SEPTIN11: variants seen among roughly 807,000 people sequenced by gnomAD.
The protein encoded by SEPTIN11 is septin 11, also known as septin-11.
Under a neutral mutation model 51.4 loss-of-function variants are expected in SEPTIN11, and 25 were observed. The ratio of observed to expected loss-of-function variants is 0.49; its 90% CI spans 0.35 to 0.68. The LOEUF (loss-of-function observed/expected upper bound fraction) is 0.68, where lower values mean the gene tolerates loss of function less well. SEPTIN11 is among the 30% of genes least tolerant of loss of function. The pLI, the probability that SEPTIN11 is intolerant of heterozygous loss-of-function variation, is 0.00. For missense variants in SEPTIN11, 381 were observed against 520.8 expected (o/e 0.73, Z 2.61); for synonymous variants, 174 against 184.1 (o/e 0.95, Z 0.44).
At chr4:77,018,814 A>T (rs1725490252) in intron 5 of SEPTIN11, among the ~76,000 whole-genome samples, 1 of 152,234 alleles carries the variant, frequency 6.6e-6, no homozygotes, top group Admixed American at 6.5e-5. Flanking sequence ...TTAAATTTAG[A>T]TGTAAACTAA....
chr4:77,005,553 C>T, intron 2 of SEPTIN11, 48 bp from the exon 3 acceptor site: 1 of 1,518,156 alleles, frequency 6.6e-7, no homozygotes, highest in Non-Finnish European at 9.0e-7. Context: ...GAACTGATGT[C>T]TGAGAGACAT....
chr4:76,951,243 A>G (rs1721329586), intron 1 of SEPTIN11, among the ~76,000 whole-genome samples: 1 of 151,872 alleles, frequency 6.6e-6, no homozygotes, highest in South Asian at 2.1e-4. Flanking sequence ...TTCTAATTCG[A>G]TTTGGTGGTT....
intron 1 of SEPTIN11, among the ~76,000 whole-genome samples, chr4:76,956,735 G>A (rs372079371): frequency 2.0e-5 from 3 of 152,144 alleles, no homozygotes; most frequent in South Asian, 4.1e-4. Flanking sequence ...AAAAGAATGA[G>A]GATAGAGAAT....
chr4:77,020,130 G>A (rs1725590698), intron 6 of SEPTIN11, among the ~76,000 whole-genome samples: 1 of 152,168 alleles, frequency 6.6e-6, no homozygotes, highest in African/African-American at 2.4e-5. Context: ...TTTGAATCTA[G>A]ACCCTGCTAC....
At chr4:76,973,537 A>G (rs1191185874) in intron 1 of SEPTIN11, among the ~76,000 whole-genome samples, 1 of 152,240 alleles carries the variant, frequency 6.6e-6, no homozygotes, top group Non-Finnish European at 1.5e-5. Flanking sequence ...ACAGCTCAGC[A>G]TGGATTTCCT....
rs116154097 is a variant in SEPTIN11 at position 77,000,009 on chromosome 4, A to G, written c.142+3470A>G. Among the ~76,000 whole-genome samples, 1,410 of 152,326 alleles carry G rather than the reference A, an allele frequency of 9.3e-3. 12 individuals carry two copies. Among genetic ancestry groups the G allele is most frequent in the Middle Eastern group, 0.027 (8 of 294 alleles). The stretch of plus-strand genomic sequence containing the variant: ...CCTTTTTTCATAATTTTAAATTTGT[A>G]TGTCTTTCTCATCCATTTTCCAAAA... On this transcript the variant is annotated intron_variant, in intron 2 of 9. Transcript: ENST00000264893.
intron 1 of SEPTIN11, among the ~76,000 whole-genome samples, chr4:76,962,709 A>G (rs1721871663): frequency 6.6e-6 from 1 of 152,200 alleles, no homozygotes; most frequent in Non-Finnish European, 1.5e-5. Context: ...AGTTTCTCTT[A>G]TGTTAGTCCA....
At chr4:76,951,190 G>T (rs1318830536) in intron 1 of SEPTIN11, among the ~76,000 whole-genome samples, 1 of 151,998 alleles carries the variant, frequency 6.6e-6, no homozygotes, top group Non-Finnish European at 1.5e-5. Flanking sequence ...CGCGCCTTTT[G>T]CACCCTACCC....
intron 2 of SEPTIN11, among the ~76,000 whole-genome samples, chr4:76,998,018 G>C (rs1723850500): frequency 6.6e-6 from 1 of 151,946 alleles, no homozygotes; most frequent in Non-Finnish European, 1.5e-5. Context: ...GGTGTGCAGT[G>C]GGGTGTGCTG....
intron 2 of SEPTIN11, among the ~76,000 whole-genome samples, chr4:77,000,853 G>A (rs1443558612): frequency 6.6e-6 from 1 of 152,112 alleles, no homozygotes; most frequent in Non-Finnish European, 1.5e-5. Flanking sequence ...CAAGAACAAC[G>A]CAACTTAGGT....
At chr4:77,025,129 C>T (rs1053455109) in intron 7 of SEPTIN11, among the ~76,000 whole-genome samples, 2 of 152,112 alleles carry the variant, frequency 1.3e-5, no homozygotes, top group African/African-American at 4.8e-5. Flanking sequence ...AGATAAAATC[C>T]TCAATTTCAA....
At chr4:77,019,337 C>A in intron 6 of SEPTIN11, 76 bp downstream of exon 6, 1 of 1,301,370 alleles carries the variant, frequency 7.7e-7, no homozygotes. Context: ...CATTTTCCGT[C>A]TTGTTTAGGG....
chr4:76,958,988 C>T, intron 1 of SEPTIN11: 1 of 809,026 alleles, frequency 1.2e-6, no homozygotes, highest in South Asian at 1.3e-5. Flanking sequence ...AACATCCTGA[C>T]AGTCATCCAC....
chr4:76,960,925 G>T (rs1307161063), intron 1 of SEPTIN11, among the ~76,000 whole-genome samples: 1 of 152,166 alleles, frequency 6.6e-6, no homozygotes, highest in Admixed American at 6.5e-5. Context: ...GTGTTTTGTC[G>T]TTCCAACCTC....
At chr4:76,989,167 A>G (rs1264670710) in intron 1 of SEPTIN11, among the ~76,000 whole-genome samples, 2 of 152,206 alleles carry the variant, frequency 1.3e-5, no homozygotes, top group African/African-American at 4.8e-5. Context: ...GGATTAAGTG[A>G]CTTGGATCAG....
chr4:76,956,966 G>GTGTGTGTGTT (rs1721583149), intron 1 of SEPTIN11, among the ~76,000 whole-genome samples: 1 of 131,942 alleles, frequency 7.6e-6, no homozygotes, highest in Admixed American at 7.5e-5. Context: ...AGAATGATGT[G>GTGTGTGTGTT]TGTGTGTGTG....
At chr4:76,996,560 C>T (rs1723732200) in intron 2 of SEPTIN11, 21 bp downstream of exon 2, 1 of 1,534,272 alleles carries the variant, frequency 6.5e-7, no homozygotes, top group African/African-American at 1.4e-5. Flanking sequence ...CATCACCCCA[C>T]AGCAAGAAAT....
intron 9 of SEPTIN11, chr4:77,031,752 G>A (rs1726653722): frequency 6.6e-6 from 1 of 152,160 alleles, no homozygotes; most frequent in Non-Finnish European, 1.5e-5. Flanking sequence ...GTTTTGACAG[G>A]AAGCACGATG....
rs149896562 is a variant in SEPTIN11, at chr4:77,006,262, A to G, written c.338+466A>G. Among the ~76,000 whole-genome samples the G allele has an allele frequency of 3.6e-3, 554 of 152,248 alleles. 3 individuals are homozygous for G. The highest frequency in any genetic ancestry group is 0.013 in the African/African-American group (520 of 41,552). On this transcript the variant is annotated intron_variant, in intron 3 of 9. Coordinates refer to ENST00000264893, the MANE Select transcript of SEPTIN11 (RefSeq NM_018243.4). ...CCCCAGGTAATCAAATGCCTTCACC[A>G]TGGCTTGCTATATAATGATAAAATA...
Sources: gnomAD v4.1 joint callset for allele counts (sites outside exome capture counted in the v4.1 genomes callset) on GRCh38, gnomAD v4.1.1 for gene constraint, MANE v1.5 for transcripts, NCBI Gene and HGNC (gene_info 2026-07-23, HGNC 2026-07-21) for gene names.